SH3BP4: variants seen among roughly 807,000 people sequenced by gnomAD.
The protein encoded by SH3BP4 is SH3 domain-binding protein 4.
SH3BP4 carries 33 observed loss-of-function variants against 65.5 expected under a neutral mutation model. The ratio of observed to expected loss-of-function variants is 0.50; its 90% CI spans 0.38 to 0.67. The LOEUF is 0.67. Among genes scored for constraint, SH3BP4 ranks in the 30% least tolerant of loss-of-function variants. The pLI is 0.00. For synonymous variants in SH3BP4, 552 were observed against 545.5 expected (o/e 1.01, Z -0.17); for missense variants, 1,134 against 1,261.4 (o/e 0.90, Z 1.53).
rs1693222045 is a variant in SH3BP4 at position 234,977,989 on chromosome 2, C to T, written c.-206-17314C>T. 6.6e-6 allele frequency among the ~76,000 whole-genome samples: 1 copy of T among 152,124 alleles called. No homozygotes were observed. Among genetic ancestry groups the T allele is most frequent in the African/African-American group, 2.4e-5 (1 of 41,416 alleles). On this transcript the variant is annotated intron_variant, in intron 1 of 5. Transcript: ENST00000392011. This position sits in a 1 kb window ranked among gnomAD's most constrained non-coding sequence, Gnocchi z 5.1. ...ACTTTTTTTGAGACAGAGTTTGGCTCTTGTTGGCCAGGCTGGAGTGCAGTG... is the reference window on the plus strand; with the variant it reads ...ACTTTTTTTGAGACAGAGTTTGGCTTTTGTTGGCCAGGCTGGAGTGCAGTG...
chr2:235,023,151 G>C (rs369685941), intron 2 of SH3BP4, among the ~76,000 whole-genome samples: 1 of 152,194 alleles, frequency 6.6e-6, no homozygotes, highest in East Asian at 1.9e-4. Flanking sequence ...ATCTGAGAGC[G>C]TCCAGAATCA....
At chr2:235,040,850 C>T (rs1404450748) in intron 3 of SH3BP4, 38 bp from the exon 4 acceptor site, 1 of 1,582,448 alleles carries the variant, frequency 6.3e-7, no homozygotes, top group East Asian at 2.3e-5. Context: ...CCCCGCCGGC[C>T]TTGCCCTCAC....
intron 2 of SH3BP4, among the ~76,000 whole-genome samples, chr2:235,016,826 ATCTG>A (rs2106303799): frequency 6.6e-6 from 1 of 152,164 alleles, no homozygotes; most frequent in East Asian, 1.9e-4. Flanking sequence ...TCACCCTTCT[ATCTG>A]TCTGTGCATC....
In SH3BP4 at chr2:234,952,834, G is replaced by C. The variant is rs1692504510; in HGVS notation, c.-207+664G>C. 6.6e-6 allele frequency: 1 copy of C among 152,226 alleles called. No homozygotes were observed. The highest frequency in any genetic ancestry group is 2.4e-5 in the African/African-American group (1 of 41,466). 9.4% of individuals were successfully genotyped at this position (152,226 alleles called of 1,614,324 possible). On this transcript the variant is annotated intron_variant, in intron 1 of 5. Coordinates refer to ENST00000392011, the MANE Select transcript of SH3BP4 (RefSeq NM_014521.3). This position sits in a 1 kb window ranked among gnomAD's most constrained non-coding sequence, Gnocchi z 6.5. ...GGCGGGGACCGGCTGGGATAGAGGC[G>C]CGTTGTTCTCTGAGCGATGTTTACC...
At chr2:235,051,248 A>G (rs1213258036) in intron 4 of SH3BP4, among the ~76,000 whole-genome samples, 1 of 151,456 alleles carries the variant, frequency 6.6e-6, no homozygotes, top group Non-Finnish European at 1.5e-5. Flanking sequence ...CATGACACCC[A>G]GTGGCAGTCA....
rs1696108986 is a variant in SH3BP4, at chr2:235,052,943, G to A, written c.2667+193G>A. Among the ~76,000 whole-genome samples, 1 of 152,246 alleles carries A rather than the reference G, an allele frequency of 6.6e-6. No individual in the cohort carries two copies. ...AGCCATCCTCCGGATTGGTTGTCGT[G>A]AGCCCTGGCTTTAGGATGTCAAGGC... On this transcript the variant is annotated intron_variant, in intron 5 of 5. Transcript: ENST00000392011. This position sits in a 1 kb window ranked among gnomAD's most constrained non-coding sequence, Gnocchi z 5.0.
In SH3BP4 at chr2:235,046,090, A is replaced by G. The variant is rs893164703; in HGVS notation, c.2478+2843A>G. On this transcript the variant is annotated intron_variant, in intron 4 of 5. Coordinates refer to ENST00000392011, the MANE Select transcript of SH3BP4 (RefSeq NM_014521.3). The surrounding 1 kb of genome is among the most constrained non-coding windows in gnomAD (Gnocchi z 4.2). ...TGCTCTGTGCACCCCTGCCCTGAAC[A>G]CACCCAGCTCGCCCGGCCTCCAGCT... Among the ~76,000 whole-genome samples the G allele has an allele frequency of 5.9e-5, 9 of 152,058 alleles. No individual in the cohort carries two copies. In the South Asian group the frequency reaches 1.9e-3, roughly 32 times the overall value.
intron 1 of SH3BP4, among the ~76,000 whole-genome samples, chr2:234,985,338 T>G (rs4663175): frequency 0.19 from 29,370 of 152,044 alleles, 4,081 homozygotes; most frequent in East Asian, 0.56. Flanking sequence ...CAGACAGTCA[T>G]TGTGGCGGAA....
chr2:235,018,209 C>A (rs921140934), intron 2 of SH3BP4, among the ~76,000 whole-genome samples: 1 of 152,134 alleles, frequency 6.6e-6, no homozygotes, highest in African/African-American at 2.4e-5. Context: ...CAGACCATGG[C>A]CCTGAGTTCA....
intron 1 of SH3BP4, among the ~76,000 whole-genome samples, chr2:234,981,947 G>A (rs1282814474): frequency 1.3e-5 from 2 of 152,070 alleles, no homozygotes; most frequent in African/African-American, 2.4e-5. Flanking sequence ...TCCCGTCCCC[G>A]CCTCCTTCCT....
chr2:234,980,158 A>G (rs1195589884), intron 1 of SH3BP4, among the ~76,000 whole-genome samples: 1 of 152,148 alleles, frequency 6.6e-6, no homozygotes, highest in Non-Finnish European at 1.5e-5. Context: ...TTTCCCCTGT[A>G]AGTAGTCCCC....
intron 1 of SH3BP4, among the ~76,000 whole-genome samples, chr2:234,963,938 C>G (rs919029335): frequency 1.3e-5 from 2 of 152,210 alleles, no homozygotes; most frequent in African/African-American, 2.4e-5. Context: ...GATCGCAAGA[C>G]TGTAATTTGG....
chr2:235,005,303 C>A (rs1694258427), intron 2 of SH3BP4, among the ~76,000 whole-genome samples: 1 of 152,112 alleles, frequency 6.6e-6, no homozygotes, highest in Admixed American at 6.5e-5. Context: ...CCCCAGGGGG[C>A]TCCCCTGACT....
rs546109269 is a variant in SH3BP4 at position 234,955,967 on chromosome 2, G to A, written c.-207+3797G>A. Reference sequence around the variant, plus strand: ...TCCAGAGCTCGTCATCACATCTCCCGGGGTGCTGAAATTAAAGAAACAAAC... The same window carrying A: ...TCCAGAGCTCGTCATCACATCTCCCAGGGTGCTGAAATTAAAGAAACAAAC... On this transcript the variant is annotated intron_variant, in intron 1 of 5. Transcript: ENST00000392011. 2.6e-5 allele frequency among the ~76,000 whole-genome samples: 4 copies of A among 152,238 alleles called. No individual in the cohort carries two copies. The East Asian group carries it at 5.8e-4, about 22-fold the overall frequency.
chr2:235,021,405 G>C (rs1344028706), intron 2 of SH3BP4, among the ~76,000 whole-genome samples: 2 of 151,968 alleles, frequency 1.3e-5, no homozygotes, highest in African/African-American at 4.8e-5. Context: ...CTTGAGGTCA[G>C]GAGTTTGAGA....
chr2:235,000,065 G>T (rs1468099949), intron 2 of SH3BP4, among the ~76,000 whole-genome samples: 1 of 152,222 alleles, frequency 6.6e-6, no homozygotes, highest in Non-Finnish European at 1.5e-5. Context: ...GATCCATCTG[G>T]AGAGGGGTGA....
chr2:235,024,821 G>A (rs1694949828), intron 2 of SH3BP4, among the ~76,000 whole-genome samples: 1 of 152,066 alleles, frequency 6.6e-6, no homozygotes, highest in African/African-American at 2.4e-5. Context: ...TAAAGAAGAT[G>A]GTAAGTCAGT....
At chr2:235,044,436 AG>A (rs1290738781) in intron 4 of SH3BP4, among the ~76,000 whole-genome samples, 3 of 152,168 alleles carry the variant, frequency 2.0e-5, no homozygotes, top group African/African-American at 7.2e-5. Context: ...TGGCATCCCC[AG>A]GGGTGTTTGT....
In SH3BP4 at chr2:235,042,846, C is replaced by G; in HGVS notation, c.2077C>G (p.Leu693Val). 5 of 1,613,904 alleles carry G rather than the reference C, an allele frequency of 3.1e-6. No homozygotes were observed. Among genetic ancestry groups the G allele is most frequent in the Non-Finnish European group, 4.2e-6 (5 of 1,180,020 alleles). ...CCTGCTCAGCGAGGAGCGGGTCAGGCTCCGGGGCCAGCTGTGGACCAAGGA... is the reference window on the plus strand; with the variant it reads ...CCTGCTCAGCGAGGAGCGGGTCAGGGTCCGGGGCCAGCTGTGGACCAAGGA... ...IALLSEERVR[L>V]RGQLWTKEWY... The change falls in exon 4 of 6, where the codon CTC becomes GTC. Residue 693 changes from leucine (L) to valine (V), a missense_variant. By Grantham distance (32) the Leu-to-Val change is conservative (BLOSUM62 1). Transcript: ENST00000392011. This position sits in a 1 kb window ranked among gnomAD's most constrained non-coding sequence, Gnocchi z 7.3.
Sources: gnomAD v4.1 joint callset for allele counts (sites outside exome capture counted in the v4.1 genomes callset) on GRCh38, gnomAD v4.1.1 for gene constraint, Gnocchi (gnomAD v3.1) non-coding constraint, MANE v1.5 for transcripts, NCBI Gene and HGNC (gene_info 2026-07-23, HGNC 2026-07-21) for gene names.